Variants in RAD21L1 observed in about 807,000 individuals in gnomAD.
RAD21L1 encodes RAD21 cohesin complex component like 1.
Under a neutral mutation model 69.0 loss-of-function variants are expected in RAD21L1, and 47 were observed. That is an observed-to-expected ratio of 0.68 (90% CI 0.54 to 0.87). RAD21L1 has a LOEUF of 0.87. Among genes scored for constraint, RAD21L1 ranks in the 40% least tolerant of loss-of-function variants. The pLI, the probability that RAD21L1 is intolerant of heterozygous loss-of-function variation, is 0.00. For missense variants in RAD21L1, 583 were observed against 647.6 expected, an observed-to-expected ratio of 0.90 and a Z score of 1.08; for synonymous variants, 177 against 205.8, an observed-to-expected ratio of 0.86 and a Z score of 1.20.
At chr20:1,247,631 T>C (rs1278482688) in intron 12 of RAD21L1, among the ~76,000 whole-genome samples, 1 of 152,142 alleles carries the variant, frequency 6.6e-6, no homozygotes, top group Non-Finnish European at 1.5e-5. Context: ...GGGGACTCAG[T>C]AGCTCCCAGG....
Position 1,240,395 on chromosome 20 carries a change from G to GA in RAD21L1, c.819dup (p.Glu274ArgfsTer7). On this transcript the variant is annotated frameshift_variant, in exon 8 of 14. Transcript: ENST00000683101. LOFTEE classifies it high-confidence loss of function. ...GAATGAAACAATATTATTATCAACT[G>GA]AAGAGGAAGGATTTACCCTTGATCC... 6.5e-7 allele frequency: 1 copy of GA among 1,549,638 alleles called. No homozygotes were observed. The highest frequency in any genetic ancestry group is 1.2e-5 in the South Asian group (1 of 83,538).
chr20:1,246,224 A>G lies in RAD21L1; in HGVS notation c.1320A>G (p.Glu440=). 1 of 1,537,238 alleles carries G rather than the reference A, an allele frequency of 6.5e-7. No individual in the cohort carries two copies. The highest frequency in any genetic ancestry group is 8.8e-7 in the Non-Finnish European group (1 of 1,140,910). ...ATTTGCTTCAGCAGGATATTGTTGA[A>G]ATGGTGTCTTTAGCTGCTGAGGAAT... is the stretch of plus-strand genomic sequence containing the variant. ...NKNINSEDIV[E]MVSLAAEESS... is the part of the protein sequence containing the mutation. The change falls in exon 12 of 14, where the codon GAA becomes GAG. Residue 440 remains glutamate (E), a synonymous_variant. Coordinates refer to ENST00000683101, the MANE Select transcript of RAD21L1 (RefSeq NM_001384355.1). The surrounding 1 kb of genome is among the most constrained non-coding windows in gnomAD (Gnocchi z 4.6).
chr20:1,228,080 A>T (rs77356624), intron 1 of RAD21L1, among the ~76,000 whole-genome samples: 2 of 152,030 alleles, frequency 1.3e-5, no homozygotes, highest in Non-Finnish European at 2.9e-5. Context: ...TTATTTCCAT[A>T]TCTTATATTT....
intron 8 of RAD21L1, among the ~76,000 whole-genome samples, chr20:1,241,782 T>C (rs2087611835): frequency 6.6e-6 from 1 of 152,162 alleles, no homozygotes; most frequent in African/African-American, 2.4e-5. Context: ...AGCAAGCAGG[T>C]TCCTGTACAT....
rs1289821507 is a variant in RAD21L1, at chr20:1,242,718, C to A, written c.956C>A (p.Ala319Glu). The change falls in exon 9 of 14, where the codon GCG becomes GAG. Residue 319 changes from alanine (A) to glutamate (E), a missense_variant. Physicochemically the swap from Ala to Glu is moderately radical, Grantham distance 107. Coordinates refer to ENST00000683101, the MANE Select transcript of RAD21L1 (RefSeq NM_001384355.1). ...KVIHKQLTSFADTLMVLELAP... is the reference protein window; with the variant it reads ...KVIHKQLTSFEDTLMVLELAP... ...ATACATAAACAGCTTACTTCCTTTGCGGACACACTCATGGTTTTGGAACTT... is the reference window on the plus strand; with the variant it reads ...ATACATAAACAGCTTACTTCCTTTGAGGACACACTCATGGTTTTGGAACTT... 6 of 1,551,294 alleles carry A rather than the reference C, an allele frequency of 3.9e-6. No homozygotes were observed. The South Asian group carries it at 4.8e-5, about 12-fold the overall frequency.
At chr20:1,240,558 C>A in intron 8 of RAD21L1, 124 bp downstream of exon 8, 1 of 1,366,412 alleles carries the variant, frequency 7.3e-7, no homozygotes, top group South Asian at 1.7e-5. Flanking sequence ...ACTTGTAACA[C>A]AATAGAGGAG....
intron 4 of RAD21L1, among the ~76,000 whole-genome samples, chr20:1,233,130 A>G (rs914754611): frequency 3.9e-5 from 6 of 152,164 alleles, no homozygotes; most frequent in Admixed American, 2.6e-4. Flanking sequence ...AATCTAAGTT[A>G]TTTTATTCTA....
chr20:1,249,376 A>G (rs933433206), intron 13 of RAD21L1, among the ~76,000 whole-genome samples: 5 of 152,182 alleles, frequency 3.3e-5, no homozygotes, highest in Admixed American at 6.5e-5. Flanking sequence ...TGTAATAGTT[A>G]TGATGCAGGT....
chr20:1,247,708 T>C (rs1161395457), intron 12 of RAD21L1, among the ~76,000 whole-genome samples: 1 of 152,148 alleles, frequency 6.6e-6, no homozygotes, highest in African/African-American at 2.4e-5. Flanking sequence ...TGGTGCTTTC[T>C]GTAATTGTCT....
In RAD21L1 at chr20:1,246,825, G is replaced by C. The variant is rs1245764656; in HGVS notation, c.1401+520G>C. Among the ~76,000 whole-genome samples, 1 of 152,092 alleles carries C rather than the reference G, an allele frequency of 6.6e-6. No homozygotes were observed. The highest frequency in any genetic ancestry group is 2.4e-5 in the African/African-American group (1 of 41,428). ...AATAGCAAAGACAGAAGTAAAGTCT[G>C]ATTTCCCTGACTCCCTGCTTATTAA... On this transcript the variant is annotated intron_variant, in intron 12 of 13. Coordinates refer to ENST00000683101, the MANE Select transcript of RAD21L1 (RefSeq NM_001384355.1). The surrounding 1 kb of genome is among the most constrained non-coding windows in gnomAD (Gnocchi z 4.6).
intron 13 of RAD21L1, among the ~76,000 whole-genome samples, chr20:1,249,105 A>G (rs867207462): frequency 7.2e-5 from 11 of 152,180 alleles, no homozygotes; most frequent in Non-Finnish European, 1.2e-4. Flanking sequence ...ACCATGCAAT[A>G]AGGCTGAAAA....
chr20:1,227,545 A>G (rs2087291158), intron 1 of RAD21L1, among the ~76,000 whole-genome samples: 1 of 152,232 alleles, frequency 6.6e-6, no homozygotes, highest in South Asian at 2.1e-4. Flanking sequence ...AAAGAAGCAA[A>G]AAGAAGCTTC....
At position 1,255,404 on chromosome 20, in the gene RAD21L1, A is replaced by G. The variant is rs1483269626; in HGVS notation, c.*947A>G. On this transcript the variant is annotated 3_prime_UTR_variant, in exon 14 of 14. Transcript: ENST00000683101. ...TCTTAATTGAAGTTTGAGTTAGGAC[A>G]TTTTCATATGATGCTCTGTGAGCTC... 6.6e-6 allele frequency among the ~76,000 whole-genome samples: 1 copy of G among 152,120 alleles called. No individual in the cohort carries two copies. Among genetic ancestry groups the G allele is most frequent in the African/African-American group, 2.4e-5 (1 of 41,426 alleles).
chr20:1,250,536 T>G (rs1286467573), intron 13 of RAD21L1, among the ~76,000 whole-genome samples: 3 of 152,220 alleles, frequency 2.0e-5, no homozygotes, highest in Non-Finnish European at 4.4e-5. Context: ...AGACATGAAC[T>G]CATCCTTTTT....
intron 1 of RAD21L1, among the ~76,000 whole-genome samples, chr20:1,226,614 CCCTT>C (rs2087267305): frequency 2.0e-5 from 3 of 151,824 alleles, no homozygotes; most frequent in Admixed American, 2.0e-4. Context: ...CTTCCTCCCT[CCCTT>C]CGCTCCCTCC....
intron 4 of RAD21L1, among the ~76,000 whole-genome samples, chr20:1,232,421 A>G (rs1216773442): frequency 6.6e-6 from 1 of 152,208 alleles, no homozygotes; most frequent in Non-Finnish European, 1.5e-5. Context: ...CAGAAAGCAC[A>G]TGAGAAAGTT....
intron 8 of RAD21L1, among the ~76,000 whole-genome samples, chr20:1,240,653 G>C (rs985074141): frequency 6.6e-6 from 1 of 152,132 alleles, no homozygotes; most frequent in African/African-American, 2.4e-5. Flanking sequence ...CACCGGACCA[G>C]ATGAGGACTA....
chr20:1,235,973 G>A (rs189812237), intron 5 of RAD21L1, among the ~76,000 whole-genome samples: 50 of 152,102 alleles, frequency 3.3e-4, no homozygotes, highest in Admixed American at 2.5e-3. Flanking sequence ...TCACCATGTT[G>A]GCCAGGCTGG....
chr20:1,234,090 T>C lies in RAD21L1; in HGVS notation c.374T>C (p.Ile125Thr). Residue 125 changes from isoleucine (I) to threonine (T), a missense_variant, in exon 5 of 14, where the codon ATT (isoleucine) becomes ACT (threonine). Transcript: ENST00000683101. ...HDFDTQNMNA[I>T]DVSEHFTQNQ... ...AACCTTCTATTTCTCCATAGTGCTA[T>C]TGATGTTTCAGAACACTTTACTCAG... The C allele has an allele frequency of 6.7e-7, 1 of 1,482,048 alleles. No individual in the cohort carries two copies. The highest frequency in any genetic ancestry group is 9.2e-7 in the Non-Finnish European group (1 of 1,086,184). 91.8% of individuals were successfully genotyped at this position (1,482,048 alleles called of 1,614,324 possible). A position where few individuals can be genotyped will look rare whatever the true frequency, so the allele number is the denominator to read the frequency against.
Sources: allele counts gnomAD v4.1 joint callset (sites outside exome capture counted in the v4.1 genomes callset), GRCh38; gene constraint gnomAD v4.1.1; non-coding constraint Gnocchi (gnomAD v3.1); transcripts MANE v1.5; gene names NCBI Gene and HGNC (gene_info 2026-07-23, HGNC 2026-07-21).